CTCF: variants seen among roughly 807,000 people sequenced by gnomAD.
CTCF encodes transcriptional repressor CTCF.
Under a neutral mutation model 72.3 loss-of-function variants are expected in CTCF, and 7 were observed. The observed-to-expected ratio is 0.10, with a 90% CI of 0.06 to 0.18. The LOEUF (loss-of-function observed/expected upper bound fraction) is 0.18, where lower values mean the gene tolerates loss of function less well. Among genes scored for constraint, CTCF ranks in the 10% least tolerant of loss-of-function variants. The pLI is 1.00. For missense variants in CTCF, 516 were observed against 949.1 expected (o/e 0.54, Z 6.00); for synonymous variants, 374 against 315.8 (o/e 1.18, Z -1.95).
intron 2 of CTCF, among the ~76,000 whole-genome samples, chr16:67,588,110 G>A (rs1444802897): frequency 6.6e-6 from 1 of 152,040 alleles, no homozygotes; most frequent in Non-Finnish European, 1.5e-5. Context: ...CACCTGCCTC[G>A]GTCTCCCAAA....
intron 5 of CTCF, among the ~76,000 whole-genome samples, chr16:67,617,257 T>G (rs576617829): frequency 6.6e-6 from 1 of 152,056 alleles, no homozygotes; most frequent in African/African-American, 2.4e-5. Context: ...CCCAGCAGTT[T>G]GGGAGGCTGA....
intron 10 of CTCF, among the ~76,000 whole-genome samples, chr16:67,633,361 G>A (rs2052388733): frequency 6.6e-6 from 1 of 152,132 alleles, no homozygotes; most frequent in Non-Finnish European, 1.5e-5. Context: ...TAAGAGATCT[G>A]AGACTCAGCC....
intron 4 of CTCF, 107 bp from the exon 5 acceptor site, chr16:67,616,638 G>A: frequency 7.8e-7 from 1 of 1,279,498 alleles, no homozygotes; most frequent in Non-Finnish European, 1.1e-6. Context: ...TGCAGTTGAT[G>A]GGATGAATAG....
intron 3 of CTCF, 149 bp from the exon 4 acceptor site, chr16:67,611,802 G>T: frequency 1.1e-6 from 1 of 916,066 alleles, no homozygotes. Context: ...CAAAGAAGAA[G>T]GAAATGTATT....
chr16:67,635,814 T>G (rs1484740076), intron 10 of CTCF, among the ~76,000 whole-genome samples: 7 of 151,876 alleles, frequency 4.6e-5, no homozygotes, highest in African/African-American at 1.5e-4. Flanking sequence ...CTTGTAGAGA[T>G]AAGGTCTCAC....
At chr16:67,631,679 C>CG in intron 10 of CTCF, among the ~76,000 whole-genome samples, 1 of 65,966 alleles carries the variant, frequency 1.5e-5, no homozygotes, top group Admixed American at 1.6e-4. Flanking sequence ...AGGTCCCCCC[C>CG]ACCCCCCCCC....
At chr16:67,622,449 G>T (rs1042558465) in intron 7 of CTCF, among the ~76,000 whole-genome samples, 1 of 151,988 alleles carries the variant, frequency 6.6e-6, no homozygotes, top group South Asian at 2.1e-4. Flanking sequence ...AGTTTAGTGG[G>T]ATATCACCTC....
intron 2 of CTCF, among the ~76,000 whole-genome samples, chr16:67,592,011 C>CCT (rs1276216697): frequency 6.6e-6 from 1 of 152,072 alleles, no homozygotes; most frequent in Admixed American, 6.5e-5. Context: ...CTGTGCCCGA[C>CCT]CTGATGACTT....
At chr16:67,623,023 C>T (rs1444769480) in intron 7 of CTCF, among the ~76,000 whole-genome samples, 1 of 150,862 alleles carries the variant, frequency 6.6e-6, no homozygotes. Flanking sequence ...GTGCAGTGGC[C>T]TGATCTCTGT....
rs757556850 is a variant in CTCF, at chr16:67,611,955, A to G, written c.786A>G (p.Val262=). 6 of 1,613,996 alleles carry G rather than the reference A, an allele frequency of 3.7e-6. No individual in the cohort carries two copies. Among genetic ancestry groups the G allele is most frequent in the Non-Finnish European group, 5.1e-6 (6 of 1,179,842 alleles). The part of the protein sequence containing the change: ...PKPTKIKKKG[V]KKTFQCELCS... ...AGTGTTTTATTTTGCACATAGGTGTAAAGAAGACATTCCAGTGTGAGCTTT... is the reference window on the plus strand; with the variant it reads ...AGTGTTTTATTTTGCACATAGGTGTGAAGAAGACATTCCAGTGTGAGCTTT... Residue 262 remains valine (V), a synonymous_variant, in exon 4 of 12, where the codon GTA becomes GTG. Transcript: ENST00000264010.
Position 67,601,970 on chromosome 16 carries a change from T to C in CTCF, c.-9-8854T>C, listed in dbSNP as rs371593258. Among the ~76,000 whole-genome samples, 17 of 151,866 alleles carry C rather than the reference T, an allele frequency of 1.1e-4. No individual in the cohort carries two copies. In the East Asian group the frequency reaches 2.3e-3, roughly 21 times the overall value. ...CCTCCGCCTCCAGGGTTCACGCGAT[T>C]CTCCTGCCTCAGCCTCCCAAATAGC... On this transcript the variant is annotated intron_variant, in intron 2 of 11. Coordinates refer to ENST00000264010, the MANE Select transcript of CTCF (RefSeq NM_006565.4).
chr16:67,595,874 A>G (rs1353165877), intron 2 of CTCF, among the ~76,000 whole-genome samples: 2 of 152,100 alleles, frequency 1.3e-5, no homozygotes, highest in African/African-American at 4.8e-5. Context: ...CACACCACCA[A>G]TTACCTTCAG....
At chr16:67,584,334 C>CGTCTTT (rs1567596519) in intron 2 of CTCF, among the ~76,000 whole-genome samples, 4 of 121,916 alleles carry the variant, frequency 3.3e-5, no homozygotes, top group African/African-American at 1.5e-4. Context: ...AAAAAAAAGT[C>CGTCTTT]TTCTTTTTTT....
rs956572533 is a variant in CTCF, at chr16:67,572,569, A to G, written c.-10+1305A>G. On this transcript the variant is annotated intron_variant, in intron 2 of 11. Coordinates refer to ENST00000264010, the MANE Select transcript of CTCF (RefSeq NM_006565.4). ...TTCCTAGAACTTCAGTTATAGTCATAGAGGAGGTGGTGAGTTAAGTAATTT... is the reference window on the plus strand; with the variant it reads ...TTCCTAGAACTTCAGTTATAGTCATGGAGGAGGTGGTGAGTTAAGTAATTT... 8 of 152,300 alleles carry G rather than the reference A, an allele frequency of 5.3e-5. No individual in the cohort carries two copies. The South Asian group carries it at 1.2e-3, about 24-fold the overall frequency. The allele number at this position is 152,300 out of a possible 1,614,324, so 9.4% of individuals were successfully genotyped here. A position where few individuals can be genotyped will look rare whatever the true frequency, so the allele number is the denominator to read the frequency against.
chr16:67,588,644 A>G (rs940524715), intron 2 of CTCF, among the ~76,000 whole-genome samples: 2 of 152,150 alleles, frequency 1.3e-5, no homozygotes, highest in Non-Finnish European at 2.9e-5. Context: ...AATAAGTGAA[A>G]TAAACAGGCT....
chr16:67,611,918 C>G (rs2142827730), intron 3 of CTCF, 33 bp from the exon 4 acceptor site: 4 of 1,594,524 alleles, frequency 2.5e-6, no homozygotes, highest in Non-Finnish European at 3.4e-6. Flanking sequence ...CTTTGAAACT[C>G]TGCAGCAAGT....
intron 10 of CTCF, among the ~76,000 whole-genome samples, chr16:67,634,576 G>A (rs1409308269): frequency 6.9e-6 from 1 of 145,396 alleles, no homozygotes; most frequent in Non-Finnish European, 1.5e-5. Context: ...TGAATACAGT[G>A]GTGAAATCAC....
At chr16:67,586,642 T>C (rs557487941) in intron 2 of CTCF, among the ~76,000 whole-genome samples, 1 of 152,180 alleles carries the variant, frequency 6.6e-6, no homozygotes, top group East Asian at 1.9e-4. Context: ...GGTTCCAGAC[T>C]GTGTCTCAAA....
chr16:67,598,080 G>A (rs564467824), intron 2 of CTCF, among the ~76,000 whole-genome samples: 3 of 152,052 alleles, frequency 2.0e-5, no homozygotes, highest in Non-Finnish European at 2.9e-5. Flanking sequence ...GGGCTCAGGC[G>A]ATCCTCCCAG....
Sources: gnomAD v4.1 joint callset for allele counts (sites outside exome capture counted in the v4.1 genomes callset) on GRCh38, gnomAD v4.1.1 for gene constraint, MANE v1.5 for transcripts, NCBI Gene and HGNC (gene_info 2026-07-23, HGNC 2026-07-21) for gene names.